TEX14: variants seen among roughly 807,000 people sequenced by gnomAD.
The protein encoded by TEX14 is testis expressed 14, intercellular bridge forming factor.
A neutral mutation model predicts 178.6 loss-of-function variants in TEX14; 168 were observed. That is an observed-to-expected ratio of 0.94 (90% confidence interval 0.83 to 1.07). TEX14 has a LOEUF of 1.07. TEX14 is among the 50% of genes least tolerant of loss of function. The pLI is 0.00. For synonymous variants in TEX14, 626 were observed against 634.1 expected, an observed-to-expected ratio of 0.99 and a Z score of 0.19; for missense variants, 1,730 against 1,753.6, an observed-to-expected ratio of 0.99 and a Z score of 0.24.
intron 28 of TEX14, among the ~76,000 whole-genome samples, chr17:58,562,740 G>A (rs1456901112): frequency 6.6e-6 from 1 of 151,626 alleles, no homozygotes; most frequent in African/African-American, 2.4e-5. Flanking sequence ...CAAACTCCTG[G>A]CTTCAAGTGA....
At chr17:58,602,737 T>C (rs2045487900) in intron 11 of TEX14, 147 bp from the exon 12 acceptor site, 3 of 623,428 alleles carry the variant, frequency 4.8e-6, no homozygotes, top group Non-Finnish European at 8.0e-6. Context: ...TTAGAAACAA[T>C]TCATTTCCTT....
rs548040477 is a variant in TEX14, at chr17:58,603,456, G to A, written c.1337-866C>T. 2.7e-5 allele frequency among the ~76,000 whole-genome samples: 4 copies of A among 150,740 alleles called. No homozygotes were observed. In the South Asian group the frequency reaches 6.3e-4, roughly 24 times the overall value. Reference sequence around the variant, plus strand: ...GTAATCTCAGCTACTCTGGGAGGCCGAGGCAGGAGAATCACTTGAACCCAG... The same window carrying A: ...GTAATCTCAGCTACTCTGGGAGGCCAAGGCAGGAGAATCACTTGAACCCAG... On this transcript the variant is annotated intron_variant, in intron 11 of 31. Transcript: ENST00000349033.
intron 1 of TEX14, 59 bp downstream of exon 1, chr17:58,691,880 C>A (rs1369150301): frequency 6.6e-6 from 1 of 152,234 alleles, no homozygotes; most frequent in Non-Finnish European, 1.5e-5. Context: ...TGTAGCCCAG[C>A]CCCTCCTTCT....
At chr17:58,671,213 T>C (rs1268698042) in intron 1 of TEX14, among the ~76,000 whole-genome samples, 3 of 152,228 alleles carry the variant, frequency 2.0e-5, no homozygotes, top group African/African-American at 7.2e-5. Context: ...TTTCAATTAT[T>C]GTAGTTTCAT....
At chr17:58,687,586 G>A (rs2047623107) in intron 1 of TEX14, among the ~76,000 whole-genome samples, 1 of 151,852 alleles carries the variant, frequency 6.6e-6, no homozygotes, top group Admixed American at 6.6e-5. Context: ...ACCCACCTAA[G>A]CCTCCCAAAA....
At chr17:58,634,566 AAGGT>A (rs1451251976) in intron 2 of TEX14, among the ~76,000 whole-genome samples, 1 of 152,130 alleles carries the variant, frequency 6.6e-6, no homozygotes, top group Non-Finnish European at 1.5e-5. Context: ...CCTACACTAG[AAGGT>A]AGGAACTGCC....
At chr17:58,563,922 T>C (rs571311989) in intron 28 of TEX14, among the ~76,000 whole-genome samples, 2 of 150,724 alleles carry the variant, frequency 1.3e-5, no homozygotes, top group Non-Finnish European at 3.0e-5. Context: ...TCATTAATCA[T>C]TAGGGAAGGG....
intron 30 of TEX14, among the ~76,000 whole-genome samples, chr17:58,559,179 A>C (rs1014972267): frequency 1.4e-4 from 21 of 152,244 alleles, no homozygotes; most frequent in African/African-American, 4.1e-4. Context: ...AAAAAAAAAG[A>C]AGCAGCAAAA....
chr17:58,630,635 T>C, intron 2 of TEX14, 81 bp from the exon 3 acceptor site: 1 of 923,414 alleles, frequency 1.1e-6, no homozygotes, highest in South Asian at 1.4e-5. Context: ...GGGAATTACA[T>C]ATTTTTATAG....
In TEX14 at chr17:58,613,451, G is replaced by A. The variant is rs775100312; in HGVS notation, c.975C>T (p.Ile325=). 7.4e-6 allele frequency: 12 copies of A among 1,614,006 alleles called. No homozygotes were observed. Among genetic ancestry groups the A allele is most frequent in the East Asian group, 4.5e-5 (2 of 44,882 alleles). ...CATGAAGGACACTGAACAATGTGCC[G>A]ATAGTGATGCGCTCGTACACAAGGC... ...KTRLVYERIT[I]GTLFSVLHER... is the part of the protein sequence containing the mutation. The change falls in exon 9 of 32, where the codon ATC becomes ATT. Residue 325 remains isoleucine (I), a synonymous_variant. Coordinates refer to ENST00000349033, the MANE Select transcript of TEX14 (RefSeq NM_031272.5).
At position 58,652,015 on chromosome 17, in the gene TEX14, A is replaced by G. The variant is rs2046849446; in HGVS notation, c.-1-13T>C. On this transcript the variant is annotated splice_polypyrimidine_tract_variant and intron_variant, in intron 1 of 31. Coordinates refer to ENST00000349033, the MANE Select transcript of TEX14 (RefSeq NM_031272.5). Reference sequence around the variant, plus strand: ...AGCCCGAGACATCCTGTTCCAAAAGAGAGCAATATGCTTATTTTAACTGAA... The same window carrying G: ...AGCCCGAGACATCCTGTTCCAAAAGGGAGCAATATGCTTATTTTAACTGAA... 1.3e-6 allele frequency: 2 copies of G among 1,527,080 alleles called. No individual in the cohort carries two copies. The highest frequency in any genetic ancestry group is 2.3e-5 in the Admixed American group (1 of 43,970). The allele number at this position is 1,527,080 out of a possible 1,614,324, so 94.6% of individuals were successfully genotyped here.
intron 5 of TEX14, among the ~76,000 whole-genome samples, chr17:58,618,428 T>A (rs1428080977): frequency 1.3e-5 from 2 of 152,214 alleles, no homozygotes; most frequent in Non-Finnish European, 2.9e-5. Context: ...TCTTCCCACA[T>A]TCCACACTCA....
intron 22 of TEX14, 22 bp downstream of exon 22, chr17:58,574,165 G>A (rs1189327016): frequency 1.3e-6 from 2 of 1,590,330 alleles, no homozygotes; most frequent in African/African-American, 1.3e-5. Flanking sequence ...GCATCCCTAG[G>A]CATTCTCTTT....
At chr17:58,566,719 A>G (rs1598343468) in intron 26 of TEX14, among the ~76,000 whole-genome samples, 1 of 151,236 alleles carries the variant, frequency 6.6e-6, no homozygotes, top group East Asian at 1.9e-4. Context: ...GAATTGCTTG[A>G]ACCCAGGAGG....
intron 21 of TEX14, among the ~76,000 whole-genome samples, chr17:58,576,478 G>A (rs556352126): frequency 3.2e-4 from 48 of 151,978 alleles, no homozygotes; most frequent in Non-Finnish European, 6.2e-4. Context: ...ACTGCAGTGA[G>A]CTGAGATCAC....
Position 58,587,629 on chromosome 17 carries a change from C to T in TEX14, c.2740G>A (p.Ala914Thr), listed in dbSNP as rs1375641739. Residue 914 changes from alanine to threonine, a missense_variant, in exon 17 of 32, where the codon GCA becomes ACA. Ala to Thr is a moderately conservative substitution (Grantham distance 58). This residue lies in a region of TEX14 where 941 missense variants were observed against 1,072.4 expected (regional missense o/e 0.88). Coordinates refer to ENST00000349033, the MANE Select transcript of TEX14 (RefSeq NM_031272.5). ...CCATCATCTTTATTTCTGGACTCTG[C>T]ATTATAGATTTCAGAAGAAACAGGT... The part of the protein sequence containing the change: ...VEPVSSEIYN[A>T]ESRNKDDGKV... 8.7e-6 allele frequency: 14 copies of T among 1,608,000 alleles called. No individual in the cohort carries two copies. Among genetic ancestry groups the T allele is most frequent in the Non-Finnish European group, 1.2e-5 (14 of 1,177,964 alleles).
At chr17:58,600,008 T>C (rs1015378255) in intron 13 of TEX14, among the ~76,000 whole-genome samples, 1 of 152,294 alleles carries the variant, frequency 6.6e-6, no homozygotes, top group East Asian at 1.9e-4. Context: ...TGTTTTCTTT[T>C]GTTTTATAGA....
intron 14 of TEX14, among the ~76,000 whole-genome samples, chr17:58,597,914 C>G (rs2045327963): frequency 6.6e-6 from 1 of 152,144 alleles, no homozygotes; most frequent in African/African-American, 2.4e-5. Context: ...CCCATGGTGT[C>G]TGCTCACCTC....
chr17:58,656,578 A>G (rs759427476), intron 1 of TEX14, among the ~76,000 whole-genome samples: 8 of 150,060 alleles, frequency 5.3e-5, no homozygotes, highest in Non-Finnish European at 8.9e-5. Context: ...ACATGGTGAA[A>G]CCCCATCTCT....
Sources: gnomAD v4.1 joint callset for allele counts (sites outside exome capture counted in the v4.1 genomes callset) on GRCh38, gnomAD v4.1.1 for gene constraint, gnomAD v4.1.1 regional missense constraint, MANE v1.5 for transcripts, NCBI Gene and HGNC (gene_info 2026-07-23, HGNC 2026-07-21) for gene names.